DRC11L: variants seen among roughly 807,000 people sequenced by gnomAD.
DRC11L encodes dynein regulatory complex subunit 11 like.
chr7:151,197,671 T>TC, the DRC11L span, among the ~76,000 whole-genome samples: 1 of 152,036 alleles, frequency 6.6e-6, no homozygotes, highest in Non-Finnish European at 1.5e-5. Flanking sequence ...TTGCTCCTCT[T>TC]CCCCATGCCG....
chr7:151,194,628 A>C, the DRC11L span: 2 of 399,308 alleles, frequency 5.0e-6, no homozygotes, highest in East Asian at 7.1e-5. Flanking sequence ...GAAGACCCCC[A>C]CCACCACAAG....
At chr7:151,192,688 T>C in the DRC11L span, 296,723 of 398,538 alleles carry the variant, frequency 0.74, 111,023 homozygotes, top group African/African-American at 0.79. Flanking sequence ...GCCTTCCAGC[T>C]TAGCCCCAGC....
At chr7:151,201,248 T>C in the DRC11L span, among the ~76,000 whole-genome samples, 1 of 152,238 alleles carries the variant, frequency 6.6e-6, no homozygotes, top group Non-Finnish European at 1.5e-5. The surrounding 1 kb of genome is among the most constrained non-coding windows in gnomAD (Gnocchi z 4.1). Flanking sequence ...CCCACTCCTG[T>C]GACCACCACA....
At chr7:151,193,301 A>G in the DRC11L span, 1 of 399,498 alleles carries the variant, frequency 2.5e-6, no homozygotes, top group African/African-American at 2.1e-5. Flanking sequence ...CTTAAAGACT[A>G]TATGCACCAT....
At chr7:151,193,850 T>C in the DRC11L span, among the ~76,000 whole-genome samples, 1 of 148,538 alleles carries the variant, frequency 6.7e-6, no homozygotes, top group Non-Finnish European at 1.5e-5. Flanking sequence ...GAGTTTGCAG[T>C]GAGCTGAGAT....
chr7:151,191,998 A>C, the DRC11L span: 2 of 398,044 alleles, frequency 5.0e-6, no homozygotes, highest in Non-Finnish European at 4.4e-6. Context: ...GCAGCTCCAC[A>C]TCCATCAGCT....
the DRC11L span, among the ~76,000 whole-genome samples, chr7:151,205,255 A>G: frequency 1.3e-5 from 2 of 152,094 alleles, no homozygotes. Context: ...ACCCTTCCCC[A>G]AGCAGAGCCC....
the DRC11L span, among the ~76,000 whole-genome samples, chr7:151,201,517 C>T: frequency 6.6e-6 from 1 of 152,226 alleles, no homozygotes; most frequent in African/African-American, 2.4e-5. The surrounding 1 kb of genome is among the most constrained non-coding windows in gnomAD (Gnocchi z 4.1). Flanking sequence ...TGCCTCAGAC[C>T]AGCATGCTCA....
the DRC11L span, among the ~76,000 whole-genome samples, chr7:151,194,074 C>T: frequency 2.6e-5 from 4 of 151,926 alleles, no homozygotes; most frequent in Non-Finnish European, 5.9e-5. Flanking sequence ...AAGGGCCCAC[C>T]TGATTTCTGG....
the DRC11L span, chr7:151,204,430 T>G: frequency 9.6e-6 from 3 of 313,618 alleles, no homozygotes; most frequent in Non-Finnish European, 1.1e-5. Context: ...GTGTCCCAGG[T>G]GGTCAAGGCC....
the DRC11L span, chr7:151,196,414 G>A: frequency 2.8e-5 from 11 of 398,996 alleles, no homozygotes; most frequent in South Asian, 1.0e-3. Flanking sequence ...ACAGGGTGGT[G>A]GCCTGCAGGG....
At chr7:151,192,329 C>T in the DRC11L span, 18 of 399,056 alleles carry the variant, frequency 4.5e-5, no homozygotes, top group South Asian at 1.3e-4. Flanking sequence ...CTCGTAGACC[C>T]GGCACAGACC....
chr7:151,198,931 G>T, the DRC11L span: 1 of 399,174 alleles, frequency 2.5e-6, no homozygotes, highest in Non-Finnish European at 4.4e-6. Flanking sequence ...ATCTGGCGGA[G>T]CCTCTGGACA....
the DRC11L span, chr7:151,191,116 G>A: frequency 5.0e-6 from 2 of 399,122 alleles, no homozygotes; most frequent in Non-Finnish European, 8.8e-6. Flanking sequence ...GAGTGGTAAG[G>A]CCCTCAGACC....
the DRC11L span, chr7:151,197,681 G>A: frequency 3.8e-5 from 15 of 391,598 alleles, no homozygotes; most frequent in East Asian, 3.2e-4. Context: ...TCCCCATGCC[G>A]TCTTTCTAGC....
At chr7:151,195,915 C>T in the DRC11L span, 1 of 333,106 alleles carries the variant, frequency 3.0e-6, no homozygotes, top group East Asian at 4.5e-5. Flanking sequence ...CAGCCTTCAA[C>T]ATGCGGAGAA....
the DRC11L span, chr7:151,192,327 C>A: frequency 2.5e-6 from 1 of 399,192 alleles, no homozygotes; most frequent in Non-Finnish European, 4.4e-6. Flanking sequence ...CGCTCGTAGA[C>A]CCGGCACAGA....
At chr7:151,194,396 A>T in the DRC11L span, 6 of 398,912 alleles carry the variant, frequency 1.5e-5, no homozygotes, top group Non-Finnish European at 2.2e-5. Context: ...AGTGACAGGC[A>T]CACTCTCCGA....
At chr7:151,198,805 C>T in the DRC11L span, 252 of 399,090 alleles carry the variant, frequency 6.3e-4, 1 homozygote, top group East Asian at 8.5e-3. Flanking sequence ...GACTGGCACT[C>T]GATAAACCAC....
Sources: allele counts gnomAD v4.1 joint callset (sites outside exome capture counted in the v4.1 genomes callset), GRCh38; gene constraint gnomAD v4.1.1; non-coding constraint Gnocchi (gnomAD v3.1); transcripts MANE v1.5; gene names NCBI Gene and HGNC (gene_info 2026-07-23, HGNC 2026-07-21).